ARHGAP26: variants seen among roughly 807,000 people sequenced by gnomAD.
The protein encoded by ARHGAP26 is rho GTPase-activating protein 26.
Under a neutral mutation model 104.8 loss-of-function variants are expected in ARHGAP26, and 38 were observed. The ratio of observed to expected loss-of-function variants is 0.36; its 90% confidence interval spans 0.28 to 0.48. ARHGAP26 has a LOEUF of 0.48. Among genes scored for constraint, ARHGAP26 ranks in the 20% least tolerant of loss-of-function variants. The pLI, the probability that ARHGAP26 is intolerant of heterozygous loss-of-function variation, is 0.99. For missense variants in ARHGAP26, 704 were observed against 947.9 expected (o/e 0.74, Z 3.38); for synonymous variants, 341 against 340.0 (o/e 1.00, Z -0.03).
chr5:142,944,993 G>A (rs1031381669), intron 11 of ARHGAP26, among the ~76,000 whole-genome samples: 2 of 152,132 alleles, frequency 1.3e-5, no homozygotes, highest in African/African-American at 4.8e-5. Context: ...GCAGCCAAAT[G>A]TGCACTCCTT....
chr5:142,782,617 A>C (rs1438851336), intron 1 of ARHGAP26, among the ~76,000 whole-genome samples: 1 of 152,156 alleles, frequency 6.6e-6, no homozygotes, highest in Non-Finnish European at 1.5e-5. Context: ...GGTAGCAGAG[A>C]GTTGGAGAGG....
chr5:142,959,624 C>T (rs1051114597), intron 11 of ARHGAP26, among the ~76,000 whole-genome samples: 3 of 152,228 alleles, frequency 2.0e-5, no homozygotes, highest in African/African-American at 4.8e-5. Context: ...ATGTTGAATC[C>T]ACCCTATGCT....
intron 11 of ARHGAP26, among the ~76,000 whole-genome samples, chr5:142,978,099 A>G (rs2152721493): frequency 6.6e-6 from 1 of 152,322 alleles, no homozygotes; most frequent in South Asian, 2.1e-4. Context: ...TCCCACAATG[A>G]GCACATTCAG....
chr5:142,781,139 G>T (rs1757412625), intron 1 of ARHGAP26, among the ~76,000 whole-genome samples: 1 of 152,162 alleles, frequency 6.6e-6, no homozygotes, highest in Non-Finnish European at 1.5e-5. Context: ...AGGGCCTCTG[G>T]GGGAGGGAGC....
At chr5:142,894,395 T>G in intron 6 of ARHGAP26, 47 bp downstream of exon 6, 1 of 1,520,762 alleles carries the variant, frequency 6.6e-7, no homozygotes, top group Non-Finnish European at 9.1e-7. Context: ...TATTCATCCC[T>G]CATTCTAACT....
intron 1 of ARHGAP26, among the ~76,000 whole-genome samples, chr5:142,817,631 T>C (rs1020817098): frequency 6.6e-6 from 1 of 152,122 alleles, no homozygotes; most frequent in Non-Finnish European, 1.5e-5. Flanking sequence ...CTAATCCCCA[T>C]CCCTGGGTGG....
chr5:142,915,189 A>G (rs565966065), intron 10 of ARHGAP26, among the ~76,000 whole-genome samples: 5 of 151,900 alleles, frequency 3.3e-5, no homozygotes, highest in Non-Finnish European at 7.4e-5. Context: ...TATGACTCCC[A>G]CAACAGCTGT....
intron 22 of ARHGAP26, 72 bp from the exon 23 acceptor site, chr5:143,222,275 ACACACACACCC>A (rs1336387291): frequency 1.3e-5 from 8 of 622,782 alleles, no homozygotes; most frequent in South Asian, 3.0e-5. Flanking sequence ...ACACACACAC[ACACACACACCC>A]CACACACACA....
chr5:143,090,227 C>T (rs1341495756), intron 17 of ARHGAP26, among the ~76,000 whole-genome samples: 1 of 152,224 alleles, frequency 6.6e-6, no homozygotes, highest in African/African-American at 2.4e-5. Context: ...CTGTAGAATC[C>T]TGGGAAAGAG....
chr5:143,079,977 T>G (rs1472619437), intron 17 of ARHGAP26, among the ~76,000 whole-genome samples: 2 of 152,134 alleles, frequency 1.3e-5, no homozygotes, highest in South Asian at 4.1e-4. Flanking sequence ...GGGGAGGATA[T>G]ACTGGGGAGC....
intron 17 of ARHGAP26, among the ~76,000 whole-genome samples, chr5:143,111,560 G>A (rs1248147562): frequency 1.3e-5 from 2 of 152,186 alleles, no homozygotes; most frequent in Non-Finnish European, 2.9e-5. Context: ...GCTCATGTTA[G>A]TTGCTGTTAC....
At chr5:143,012,038 A>G (rs961153849) in intron 11 of ARHGAP26, among the ~76,000 whole-genome samples, 38 of 152,210 alleles carry the variant, frequency 2.5e-4, no homozygotes, top group African/African-American at 8.2e-4. Context: ...GTTCAGCAAG[A>G]TGAAGTTACC....
intron 10 of ARHGAP26, among the ~76,000 whole-genome samples, chr5:142,924,819 A>G (rs1466079770): frequency 6.6e-6 from 1 of 152,176 alleles, no homozygotes. Context: ...TGAGTATTGG[A>G]AGAAAAAGGG....
intron 1 of ARHGAP26, among the ~76,000 whole-genome samples, chr5:142,815,398 C>G (rs1030281134): frequency 5.9e-5 from 9 of 152,166 alleles, no homozygotes; most frequent in Non-Finnish European, 1.2e-4. Flanking sequence ...TGAGAACTCA[C>G]TTTAGTCTTT....
chr5:143,021,889 G>C (rs1299389393), intron 12 of ARHGAP26, among the ~76,000 whole-genome samples: 1 of 152,132 alleles, frequency 6.6e-6, no homozygotes, highest in Non-Finnish European at 1.5e-5. Flanking sequence ...TCTCAGTCTT[G>C]GTGCTTTATG....
At chr5:142,855,788 G>A (rs1752258131) in intron 1 of ARHGAP26, among the ~76,000 whole-genome samples, 1 of 152,140 alleles carries the variant, frequency 6.6e-6, no homozygotes, top group Admixed American at 6.5e-5. Flanking sequence ...TTGGATGTGA[G>A]GCTACTAATG....
In ARHGAP26 at chr5:143,120,979, T is replaced by C; in HGVS notation, c.1539-9T>C. 1 of 1,610,384 alleles carries C rather than the reference T, an allele frequency of 6.2e-7. No homozygotes were observed. On this transcript the variant is annotated splice_polypyrimidine_tract_variant and intron_variant, in intron 17 of 22. Coordinates refer to ENST00000645722, the MANE Select transcript of ARHGAP26 (RefSeq NM_001135608.3). ...TCTCATTGGTACCTTTTCTTTTCCT[T>C]CCTCCCAGTGTTGCTAACAACCACA...
At chr5:143,182,922 T>C (rs1454300986) in intron 20 of ARHGAP26, among the ~76,000 whole-genome samples, 1 of 152,092 alleles carries the variant, frequency 6.6e-6, no homozygotes, top group Non-Finnish European at 1.5e-5. Context: ...CATAGATCCT[T>C]TGGAAAGTTG....
At chr5:143,192,157 G>T (rs959483114) in intron 20 of ARHGAP26, among the ~76,000 whole-genome samples, 3 of 152,198 alleles carry the variant, frequency 2.0e-5, no homozygotes, top group African/African-American at 7.2e-5. Flanking sequence ...GCATCAAGAC[G>T]GGAAGAAAAA....
Sources: allele counts gnomAD v4.1 joint callset (sites outside exome capture counted in the v4.1 genomes callset), GRCh38; gene constraint gnomAD v4.1.1; transcripts MANE v1.5; gene names NCBI Gene and HGNC (gene_info 2026-07-23, HGNC 2026-07-21).